The following PALLD variants were observed in gnomAD, a reference collection of about 807,000 sequenced individuals.
PALLD encodes palladin.
A neutral mutation model predicts 123.5 loss-of-function variants in PALLD; 61 were observed. The observed-to-expected ratio is 0.49, with a 90% confidence interval of 0.40 to 0.61. PALLD has a LOEUF of 0.61. PALLD is among the 20% of genes least tolerant of loss of function. The pLI, the probability that PALLD is intolerant of heterozygous loss-of-function variation, is 0.00. For synonymous variants in PALLD, 465 were observed against 496.4 expected (o/e 0.94, Z 0.84); for missense variants, 1,273 against 1,377.0 (o/e 0.92, Z 1.20).
intron 3 of PALLD, among the ~76,000 whole-genome samples, chr4:168,672,549 T>C (rs897004393): frequency 6.6e-6 from 1 of 151,876 alleles, no homozygotes; most frequent in South Asian, 2.1e-4. Flanking sequence ...AGCTCTGCCT[T>C]CCGGGTTCAC....
chr4:168,821,879 CAAAAAAA>C (rs910886193), intron 10 of PALLD, among the ~76,000 whole-genome samples: 3 of 58,290 alleles, frequency 5.1e-5, no homozygotes, highest in South Asian at 1.3e-3. Flanking sequence ...AACGCTGTCT[CAAAAAAA>C]AAAAAAAAAA....
chr4:168,767,866 T>C (rs1733897512), intron 10 of PALLD, among the ~76,000 whole-genome samples: 1 of 152,108 alleles, frequency 6.6e-6, no homozygotes, highest in African/African-American at 2.4e-5. Context: ...ATATCATTCC[T>C]CTTACCCTCA....
chr4:168,697,010 A>C (rs1783193546), intron 8 of PALLD, among the ~76,000 whole-genome samples: 1 of 152,184 alleles, frequency 6.6e-6, no homozygotes. Context: ...GCACGTCATC[A>C]TGAAATTCAG....
At chr4:168,877,567 GCCCCACACTTGGGCCTGC>G (rs969788802) in intron 10 of PALLD, among the ~76,000 whole-genome samples, 2 of 152,204 alleles carry the variant, frequency 1.3e-5, no homozygotes, top group Non-Finnish European at 2.9e-5. Flanking sequence ...TGAACTGCTG[GCCCCACACTTGGGCCTGC>G]TAACGTGTGC....
chr4:168,535,836 G>C (rs1386727436), intron 2 of PALLD, among the ~76,000 whole-genome samples: 2 of 152,186 alleles, frequency 1.3e-5, no homozygotes, highest in Non-Finnish European at 2.9e-5. Flanking sequence ...TAAGGGGTAA[G>C]TGAGCAAAAG....
intron 2 of PALLD, among the ~76,000 whole-genome samples, chr4:168,542,763 T>TATATATATATATATATATA (rs58803261): frequency 9.1e-6 from 1 of 110,066 alleles, no homozygotes; most frequent in Non-Finnish European, 1.9e-5. Context: ...TATATATATA[T>TATATATATATATATATATA]GGAGAGAAAG....
intron 2 of PALLD, chr4:168,631,838 C>T (rs1376424570): frequency 1.0e-6 from 1 of 985,344 alleles, no homozygotes; most frequent in Admixed American, 6.1e-5. Flanking sequence ...TAAGCGAGAT[C>T]TGAAAGACCC....
chr4:168,713,084 A>G (rs536499976), intron 10 of PALLD, among the ~76,000 whole-genome samples: 10 of 152,336 alleles, frequency 6.6e-5, no homozygotes, highest in East Asian at 3.9e-4. Context: ...ACTTCTGGAC[A>G]ATCTTGGGTT....
chr4:168,614,261 T>G (rs1353855820), intron 2 of PALLD, among the ~76,000 whole-genome samples: 1 of 152,266 alleles, frequency 6.6e-6, no homozygotes, highest in Non-Finnish European at 1.5e-5. Context: ...CACTGTGGAC[T>G]CTGTCACTCA....
chr4:168,572,550 T>C (rs756453915), intron 2 of PALLD, among the ~76,000 whole-genome samples: 1 of 152,038 alleles, frequency 6.6e-6, no homozygotes, highest in African/African-American at 2.4e-5. Context: ...TTAATAGGCC[T>C]CTCAAACTCA....
chr4:168,826,213 G>A (rs1743399014), intron 10 of PALLD, among the ~76,000 whole-genome samples: 1 of 152,128 alleles, frequency 6.6e-6, no homozygotes, highest in South Asian at 2.1e-4. Flanking sequence ...ATTCTACTGT[G>A]GATCAAGCAG....
chr4:168,533,825 G>A (rs529237009), intron 2 of PALLD, among the ~76,000 whole-genome samples: 1 of 152,268 alleles, frequency 6.6e-6, no homozygotes, highest in Admixed American at 6.5e-5. Flanking sequence ...ACGGAAAGGA[G>A]GATCTAGAGA....
chr4:168,769,073 TCG>T (rs1734063236), intron 10 of PALLD, among the ~76,000 whole-genome samples: 1 of 152,226 alleles, frequency 6.6e-6, no homozygotes, highest in Non-Finnish European at 1.5e-5. Context: ...TCCGCCCCCG[TCG>T]GCCTCCCAAA....
At chr4:168,912,253 T>G (rs1048283330) in intron 15 of PALLD, among the ~76,000 whole-genome samples, 1 of 152,224 alleles carries the variant, frequency 6.6e-6, no homozygotes, top group Non-Finnish European at 1.5e-5. Flanking sequence ...GAGAATTTTA[T>G]TCTGAGTGTA....
chr4:168,625,502 G>GATAGATAGATATATATATATATATAT lies in PALLD; in HGVS notation c.909-42685_909-42684insGATAGATATATATATATATATATATA. 8.4e-4 allele frequency among the ~76,000 whole-genome samples: 96 copies of GATAGATAGATATATATATATATATAT among 114,456 alleles called. 1 individual carries two copies. The highest frequency in any genetic ancestry group is 2.6e-3 in the African/African-American group (78 of 30,022). The allele number at this position is 114,456 out of a possible 152,430, so 75.1% of individuals were successfully genotyped here. ...TCCAATAAGGGATTAATATCCAGGA[G>GATAGATAGATATATATATATATATAT]ATATATATATATATATCCTATAAGG... On this transcript the variant is annotated intron_variant, in intron 2 of 21. Coordinates refer to ENST00000505667, the MANE Select transcript of PALLD (RefSeq NM_001166108.2).
chr4:168,506,877 T>C (rs530238481), intron 1 of PALLD, among the ~76,000 whole-genome samples: 1 of 152,358 alleles, frequency 6.6e-6, no homozygotes, highest in South Asian at 2.1e-4. Flanking sequence ...CAAAAGGACA[T>C]GTACTGCTTC....
At chr4:168,848,488 A>T (rs1461330935) in intron 10 of PALLD, among the ~76,000 whole-genome samples, 1 of 149,292 alleles carries the variant, frequency 6.7e-6, no homozygotes, top group African/African-American at 2.5e-5. Context: ...TTTTTCTCCT[A>T]AAAGAAGGCT....
chr4:168,550,583 T>TCCACTCCCC (rs200456486), intron 2 of PALLD, among the ~76,000 whole-genome samples: 20,727 of 152,138 alleles, frequency 0.14, 1,637 homozygotes, highest in East Asian at 0.27. Context: ...AAAGAGCCAC[T>TCCACTCCCC]GGGAGAGTCT....
intron 2 of PALLD, among the ~76,000 whole-genome samples, chr4:168,535,120 T>C (rs544800397): frequency 2.0e-5 from 3 of 152,308 alleles, no homozygotes; most frequent in Non-Finnish European, 4.4e-5. Context: ...GTGCATAGGT[T>C]TTATGCAAAT....
Sources: gnomAD v4.1 joint callset for allele counts (sites outside exome capture counted in the v4.1 genomes callset) on GRCh38, gnomAD v4.1.1 for gene constraint, MANE v1.5 for transcripts, NCBI Gene and HGNC (gene_info 2026-07-23, HGNC 2026-07-21) for gene names.